Variants in EPB41L1 observed in about 807,000 individuals in gnomAD.
EPB41L1 encodes the protein band 4.1-like protein 1.
EPB41L1 carries 29 observed loss-of-function variants against 97.8 expected under a neutral mutation model. That is an observed-to-expected ratio of 0.30 (90% CI 0.22 to 0.40). The LOEUF (loss-of-function observed/expected upper bound fraction) is 0.40, where lower values mean the gene tolerates loss of function less well. EPB41L1 is among the 10% of genes least tolerant of loss of function. EPB41L1 has a pLI of 1.00. For missense variants in EPB41L1, 812 were observed against 1,162.3 expected (o/e 0.70, Z 4.38); for synonymous variants, 383 against 459.2 (o/e 0.83, Z 2.12).
intron 1 of EPB41L1, among the ~76,000 whole-genome samples, chr20:36,099,268 T>C (rs2057932492): frequency 6.6e-6 from 1 of 152,176 alleles, no homozygotes; most frequent in African/African-American, 2.4e-5. Flanking sequence ...TGAGCATGCC[T>C]AATGAGGTAG....
rs141476106 is a variant in EPB41L1 at position 36,158,873 on chromosome 20, C to T, written c.-15+3977C>T. On this transcript the variant is annotated intron_variant, in intron 1 of 21. Coordinates refer to ENST00000338074, the MANE Select transcript of EPB41L1 (RefSeq NM_012156.2). ...TCTTAAATGTCAGGCCAAGGTGTTT[C>T]GACTTGACGTGAGCCGGGATGCTCT... is the stretch of plus-strand genomic sequence containing the variant. Among the ~76,000 whole-genome samples, 439 of 152,288 alleles carry T rather than the reference C, an allele frequency of 2.9e-3. 7 individuals are homozygous for T. Among genetic ancestry groups the T allele is most frequent in the Admixed American group, 0.027 (412 of 15,302 alleles).
intron 2 of EPB41L1, among the ~76,000 whole-genome samples, chr20:36,138,279 T>C (rs1049061924): frequency 2.6e-5 from 4 of 151,712 alleles, no homozygotes; most frequent in Non-Finnish European, 4.4e-5. Flanking sequence ...TTTTTTTTTT[T>C]TTGAGACAAG....
rs1056171357 is a variant in EPB41L1 at position 36,212,118 on chromosome 20, C to T, written c.2080-154C>T. ...CGGGCTATCTGTCTATGATATCACA[C>T]CACAACTCTTTTACCCTGTCCAGAG... On this transcript the variant is annotated intron_variant, in intron 15 of 21. Transcript: ENST00000338074. The surrounding 1 kb of genome is among the most constrained non-coding windows in gnomAD (Gnocchi z 4.8). 3.3e-5 allele frequency among the ~76,000 whole-genome samples: 5 copies of T among 152,202 alleles called. No individual in the cohort carries two copies. Among genetic ancestry groups the T allele is most frequent in the African/African-American group, 1.2e-4 (5 of 41,450 alleles).
chr20:36,101,128 G>A (rs2058001926), intron 1 of EPB41L1, among the ~76,000 whole-genome samples: 1 of 152,204 alleles, frequency 6.6e-6, no homozygotes, highest in Admixed American at 6.5e-5. Context: ...CTGCTTGGGA[G>A]CTTGGATATG....
intron 2 of EPB41L1, among the ~76,000 whole-genome samples, chr20:36,140,257 G>A (rs1195380328): frequency 1.4e-5 from 2 of 147,948 alleles, no homozygotes; most frequent in Non-Finnish European, 3.0e-5. Context: ...TTTTAGTAGG[G>A]ATGAGGTTTC....
intron 21 of EPB41L1, 95 bp downstream of exon 21, chr20:36,222,489 A>C (rs1255292041): frequency 9.9e-6 from 10 of 1,010,058 alleles, no homozygotes; most frequent in Admixed American, 5.3e-5. Flanking sequence ...CAGTGGCTTG[A>C]CCCCTAGTGC....
At chr20:36,227,731 CA>C (rs1393827363) in intron 21 of EPB41L1, among the ~76,000 whole-genome samples, 1 of 152,250 alleles carries the variant, frequency 6.6e-6, no homozygotes, top group African/African-American at 2.4e-5. Flanking sequence ...GTCCCTGCTT[CA>C]GTTAACTCTG....
Position 36,229,463 on chromosome 20 carries a change from T to C in EPB41L1, c.*123T>C. The C allele has an allele frequency of 4.4e-6, 4 of 912,066 alleles. No individual in the cohort carries two copies. Among genetic ancestry groups the C allele is most frequent in the South Asian group, 2.6e-5 (2 of 75,612 alleles). 56.5% of individuals were successfully genotyped at this position (912,066 alleles called of 1,614,324 possible). A position where few individuals can be genotyped will look rare whatever the true frequency, so the allele number is the denominator to read the frequency against. On this transcript the variant is annotated 3_prime_UTR_variant, in exon 22 of 22. Coordinates refer to ENST00000338074, the MANE Select transcript of EPB41L1 (RefSeq NM_012156.2). ...CCCAGCTGCGACGTACTGTCACTGA[T>C]GAGAGACTGGGAAGGGAAAAGCATA...
At chr20:36,129,531 T>TA (rs1220844667) in intron 2 of EPB41L1, among the ~76,000 whole-genome samples, 4 of 152,052 alleles carry the variant, frequency 2.6e-5, no homozygotes, top group African/African-American at 9.7e-5. Flanking sequence ...ATTGGGTCAC[T>TA]AGCGGGTCCC....
At chr20:36,124,748 G>A (rs2058893746) in intron 2 of EPB41L1, among the ~76,000 whole-genome samples, 1 of 152,136 alleles carries the variant, frequency 6.6e-6, no homozygotes, top group Non-Finnish European at 1.5e-5. Context: ...GCGCACAGTA[G>A]GTATTCAATA....
intron 2 of EPB41L1, among the ~76,000 whole-genome samples, chr20:36,141,031 C>CA (rs2059618321): frequency 6.6e-6 from 1 of 152,172 alleles, no homozygotes; most frequent in South Asian, 2.1e-4. Context: ...GGATTCTGGG[C>CA]AAGGGACAGC....
chr20:36,107,314 G>A (rs543611937), intron 1 of EPB41L1, among the ~76,000 whole-genome samples: 7 of 146,392 alleles, frequency 4.8e-5, no homozygotes, highest in South Asian at 2.2e-4. Context: ...TCCGTCTCCC[G>A]GCTTCGAGCA....
rs774557660 is a variant in EPB41L1, at chr20:36,190,768, G to A, written c.1271G>A (p.Arg424Gln). 6.2e-6 allele frequency: 10 copies of A among 1,614,062 alleles called. No individual in the cohort carries two copies. The highest frequency in any genetic ancestry group is 3.3e-5 in the Admixed American group (2 of 60,014). ...APFFERSSSKRYTMSRSLDGA... is the reference protein window; with the variant it reads ...APFFERSSSKQYTMSRSLDGA... ...TTCTTTGAGCGTTCTTCCAGCAAACGGTACACCATGTCCCGCAGCCTTGAT... is the reference window on the plus strand; with the variant it reads ...TTCTTTGAGCGTTCTTCCAGCAAACAGTACACCATGTCCCGCAGCCTTGAT... Residue 424 changes from arginine to glutamine, a missense_variant, in exon 11 of 22, where the codon CGG (arginine) becomes CAG (glutamine). Transcript: ENST00000338074. The surrounding 1 kb of genome is among the most constrained non-coding windows in gnomAD (Gnocchi z 5.8).
In EPB41L1 at chr20:36,212,124, C is replaced by G. The variant is rs1226022911; in HGVS notation, c.2080-148C>G. The G allele has an allele frequency of 1.3e-6, 1 of 780,638 alleles. No homozygotes were observed. Among genetic ancestry groups the G allele is most frequent in the African/African-American group, 1.7e-5 (1 of 58,638 alleles). 48.4% of individuals were successfully genotyped at this position (780,638 alleles called of 1,614,324 possible). A position where few individuals can be genotyped will look rare whatever the true frequency, so the allele number is the denominator to read the frequency against. On this transcript the variant is annotated intron_variant, in intron 15 of 21. Transcript: ENST00000338074. This position sits in a 1 kb window ranked among gnomAD's most constrained non-coding sequence, Gnocchi z 4.8. ...ATCTGTCTATGATATCACACCACAA[C>G]TCTTTTACCCTGTCCAGAGTACCCT...
intron 2 of EPB41L1, among the ~76,000 whole-genome samples, chr20:36,127,818 T>C (rs1184284093): frequency 6.6e-6 from 1 of 152,150 alleles, no homozygotes; most frequent in Non-Finnish European, 1.5e-5. Flanking sequence ...TTCTCTCTCG[T>C]AGGTTCCCTT....
chr20:36,145,515 T>C (rs2059801334), intron 2 of EPB41L1, among the ~76,000 whole-genome samples: 1 of 152,090 alleles, frequency 6.6e-6, no homozygotes, highest in Admixed American at 6.6e-5. Flanking sequence ...TGGTGACTGA[T>C]CTCACCTGGA....
rs3210574 is a variant in EPB41L1, at chr20:36,221,933, G to A, written c.2509G>A (p.Asp837Asn). Residue 837 changes from aspartate (D) to asparagine (N), a missense_variant, in exon 20 of 22, where the codon GAT becomes AAT. By Grantham distance (23) the Asp-to-Asn change is conservative (BLOSUM62 1). Coordinates refer to ENST00000338074, the MANE Select transcript of EPB41L1 (RefSeq NM_012156.2). ...RIIITGDEDV[D>N]QDQALALAIK... ...CATCATTACTGGGGATGAAGATGTC[G>A]ATCAAGACCAGGTATGGGGGTAGCA... 2.4e-5 allele frequency: 38 copies of A among 1,614,012 alleles called. No homozygotes were observed. In the South Asian group the frequency reaches 3.2e-4, roughly 14 times the overall value.
At chr20:36,171,956 A>G (rs941473627) in intron 1 of EPB41L1, among the ~76,000 whole-genome samples, 1 of 152,106 alleles carries the variant, frequency 6.6e-6, no homozygotes, top group African/African-American at 2.4e-5. Flanking sequence ...TTAGCTTCAA[A>G]GCTTTTTTTT....
rs2062876837 is a variant in EPB41L1 at position 36,207,336 on chromosome 20, G to A, written c.1669-2152G>A. ...GAGTAGTCCCTGAAGAAGCTGAGGG[G>A]CGCATACCTCTGGGGTTTGGGTTCC... On this transcript the variant is annotated intron_variant, in intron 14 of 21. Transcript: ENST00000338074. The surrounding 1 kb of genome is among the most constrained non-coding windows in gnomAD (Gnocchi z 4.9). The A allele has an allele frequency of 4.7e-6, 6 of 1,287,212 alleles. No individual in the cohort carries two copies. Among genetic ancestry groups the A allele is most frequent in the Non-Finnish European group, 6.1e-6 (6 of 987,070 alleles). The allele number at this position is 1,287,212 out of a possible 1,614,324, so 79.7% of individuals were successfully genotyped here. A position where few individuals can be genotyped will look rare whatever the true frequency, so the allele number is the denominator to read the frequency against.
Sources: allele counts gnomAD v4.1 joint callset (sites outside exome capture counted in the v4.1 genomes callset), GRCh38; gene constraint gnomAD v4.1.1; non-coding constraint Gnocchi (gnomAD v3.1); transcripts MANE v1.5; gene names NCBI Gene and HGNC (gene_info 2026-07-23, HGNC 2026-07-21).